Variants in SS18L1 observed in about 807,000 individuals in gnomAD.
The protein encoded by SS18L1 is SS18L1 subunit of BAF chromatin remodeling complex, also known as calcium-responsive transactivator.
In SS18L1, 32 loss-of-function variants were observed where a neutral mutation model predicts 70.3. That is an observed-to-expected ratio of 0.46 (90% CI 0.34 to 0.61). SS18L1 has a LOEUF of 0.61. Ranked by LOEUF, SS18L1 falls within the 20% of genes least tolerant of loss-of-function variation. SS18L1 has a pLI of 0.01. For missense variants in SS18L1, 430 were observed against 542.1 expected (o/e 0.79, Z 2.05); for synonymous variants, 237 against 229.7 (o/e 1.03, Z -0.29).
At chr20:62,178,488 G>A (rs1275017179) in intron 10 of SS18L1, among the ~76,000 whole-genome samples, 1 of 152,070 alleles carries the variant, frequency 6.6e-6, no homozygotes, top group Non-Finnish European at 1.5e-5. Context: ...TAGAGATGGG[G>A]TCTTGCTGTA....
rs561122376 is a variant in SS18L1 at position 62,157,718 on chromosome 20, C to T, written c.70-954C>T. On this transcript the variant is annotated intron_variant, in intron 1 of 10. Transcript: ENST00000331758. Reference sequence around the variant, plus strand: ...TGTGTAAGACACGGAAGGTTCAAGACGGGACCGGCCTTCCCTGTGTGGCCT... The same window carrying T: ...TGTGTAAGACACGGAAGGTTCAAGATGGGACCGGCCTTCCCTGTGTGGCCT... 4.6e-5 allele frequency among the ~76,000 whole-genome samples: 7 copies of T among 152,314 alleles called. No homozygotes were observed. In the East Asian group the frequency reaches 5.8e-4, roughly 13 times the overall value.
At chr20:62,170,729 C>T (rs1181992792) in intron 8 of SS18L1, among the ~76,000 whole-genome samples, 3 of 152,244 alleles carry the variant, frequency 2.0e-5, no homozygotes, top group African/African-American at 4.8e-5. Context: ...AGGGCGGCTG[C>T]TGCCAGTTCC....
intron 6 of SS18L1, 133 bp downstream of exon 6, chr20:62,163,755 T>G: frequency 1.6e-6 from 2 of 1,289,592 alleles, no homozygotes; most frequent in Admixed American, 5.6e-5. Context: ...GCTTGGCGCC[T>G]TGGTGTTAAC....
In SS18L1 at chr20:62,163,612, C is replaced by T. The variant is rs758584880; in HGVS notation, c.711C>T (p.Pro237=). The part of the protein sequence containing the change: ...MGQRPMAPYR[P]SQQGSSQQYL... The stretch of plus-strand genomic sequence containing the variant: ...AGCGGCCCATGGCGCCCTACCGGCC[C>T]TCCCAGCAAGGTAACGCCCGGCCGG... Residue 237 remains proline (P), a synonymous_variant, in exon 6 of 11, where the codon CCC becomes CCT. Transcript: ENST00000331758. The T allele has an allele frequency of 1.3e-6, 2 of 1,593,930 alleles. No individual in the cohort carries two copies. The highest frequency in any genetic ancestry group is 1.7e-5 in the Admixed American group (1 of 58,252).
chr20:62,168,811 C>T (rs1015417169), intron 8 of SS18L1, among the ~76,000 whole-genome samples: 2 of 152,176 alleles, frequency 1.3e-5, no homozygotes, highest in African/African-American at 4.8e-5. Flanking sequence ...AAGACCCTGT[C>T]TCAAAAATAA....
rs772406196 is a variant in SS18L1, at chr20:62,161,404, G to A, written c.232-32G>A. On this transcript the variant is annotated intron_variant, in intron 3 of 10. Coordinates refer to ENST00000331758, the MANE Select transcript of SS18L1 (RefSeq NM_198935.3). The surrounding 1 kb of genome is among the most constrained non-coding windows in gnomAD (Gnocchi z 4.4). ...GGAGGTCGCTCTCCGTAAATTAACCGTTTTTCCCTGAAAACTTCCTGTTGC... is the reference window on the plus strand; with the variant it reads ...GGAGGTCGCTCTCCGTAAATTAACCATTTTTCCCTGAAAACTTCCTGTTGC... The A allele has an allele frequency of 7.4e-6, 12 of 1,612,558 alleles. No individual in the cohort carries two copies. Among genetic ancestry groups the A allele is most frequent in the Admixed American group, 1.7e-5 (1 of 59,990 alleles).
At chr20:62,151,791 C>T (rs1046745990) in intron 1 of SS18L1, among the ~76,000 whole-genome samples, 11 of 151,898 alleles carry the variant, frequency 7.2e-5, no homozygotes, top group Non-Finnish European at 1.6e-4. Context: ...GACTCCTGTC[C>T]CCCAGCAGCC....
intron 1 of SS18L1, among the ~76,000 whole-genome samples, chr20:62,149,917 T>C (rs143442024): frequency 6.8e-4 from 104 of 152,290 alleles, no homozygotes; most frequent in African/African-American, 2.2e-3. Flanking sequence ...TAAGCACGTC[T>C]CCAGCTTGGA....
In SS18L1 at chr20:62,162,829, T is replaced by C; in HGVS notation, c.454T>C (p.Tyr152His). ...TTSMSISGPG[Y>H]SHAGPASQGV... ...CTCCATGAGCATCTCTGGGCCCGGC[T>C]ACAGCCACGCGGGACCCGCCTCGCA... The change falls in exon 5 of 11, where the codon TAC becomes CAC. Residue 152 changes from tyrosine to histidine, a missense_variant. Tyr to His is a moderately conservative substitution (Grantham distance 83). Transcript: ENST00000331758. 1 of 1,612,816 alleles carries C rather than the reference T, an allele frequency of 6.2e-7. No homozygotes were observed. The highest frequency in any genetic ancestry group is 8.5e-7 in the Non-Finnish European group (1 of 1,179,936).
chr20:62,162,341 G>A (rs2057344958), intron 4 of SS18L1, among the ~76,000 whole-genome samples: 2 of 152,030 alleles, frequency 1.3e-5, no homozygotes, highest in African/African-American at 4.8e-5. Flanking sequence ...GCTCTAGTCG[G>A]CCAGGCTGGA....
Position 62,163,671 on chromosome 20 carries a change from C to T in SS18L1, c.721+49C>T, listed in dbSNP as rs546892858. On this transcript the variant is annotated intron_variant, in intron 6 of 10. Transcript: ENST00000331758. ...GCGGGCACAGCTGACCGCCGCGGGTCGTGAAGTGCCAGGCTGTGTGTGCTT... is the reference window on the plus strand; with the variant it reads ...GCGGGCACAGCTGACCGCCGCGGGTTGTGAAGTGCCAGGCTGTGTGTGCTT... The T allele has an allele frequency of 1.0e-4, 148 of 1,485,808 alleles. 2 individuals carry two copies. In the South Asian group the frequency reaches 1.2e-3, roughly 12 times the overall value. The allele number at this position is 1,485,808 out of a possible 1,614,324, so 92.0% of individuals were successfully genotyped here.
In SS18L1 at chr20:62,161,500, T is replaced by G. The variant is rs1296662509; in HGVS notation, c.296T>G (p.Leu99Arg). 2.5e-6 allele frequency: 4 copies of G among 1,612,716 alleles called. No individual in the cohort carries two copies. Among genetic ancestry groups the G allele is most frequent in the African/African-American group, 1.3e-5 (1 of 74,924 alleles). The stretch of plus-strand genomic sequence containing the variant: ...ACTCAGAGCGGCTCCAGCCAGGGCC[T>G]GCACTCTCAGGGCAGCCTGAGTGAC... ...ALTQSGSSQG[L>R]HSQGSLSDAI... is the part of the protein sequence containing the mutation. Residue 99 changes from leucine to arginine, a missense_variant, in exon 4 of 11, where the codon CTG (leucine) becomes CGG (arginine). Transcript: ENST00000331758. The surrounding 1 kb of genome is among the most constrained non-coding windows in gnomAD (Gnocchi z 4.4).
At chr20:62,165,292 C>G (rs993068939) in intron 7 of SS18L1, 130 bp from the exon 8 acceptor site, 2 of 839,392 alleles carry the variant, frequency 2.4e-6, no homozygotes, top group Non-Finnish European at 3.7e-6. Flanking sequence ...TTTTGGGGAA[C>G]ACGGGTCCTG....
chr20:62,144,073 C>T (rs956538253), intron 1 of SS18L1, among the ~76,000 whole-genome samples, 184 bp downstream of exon 1: 6 of 149,424 alleles, frequency 4.0e-5, no homozygotes, highest in African/African-American at 1.5e-4. Flanking sequence ...CGGCGGGCAC[C>T]CGGCCGTGTG....
chr20:62,174,077 C>T lies in SS18L1; in HGVS notation c.1037-440C>T, dbSNP rs931132690. 1.3e-5 allele frequency among the ~76,000 whole-genome samples: 2 copies of T among 152,122 alleles called. No homozygotes were observed. Among genetic ancestry groups the T allele is most frequent in the African/African-American group, 4.8e-5 (2 of 41,418 alleles). On this transcript the variant is annotated intron_variant, in intron 9 of 10. Coordinates refer to ENST00000331758, the MANE Select transcript of SS18L1 (RefSeq NM_198935.3). The surrounding 1 kb of genome is among the most constrained non-coding windows in gnomAD (Gnocchi z 4.1). ...TTGCCGGAGCCTTTGACTTAGCCTTCCTAGAGACGATGTCTCTGTCTCACC... is the reference window on the plus strand; with the variant it reads ...TTGCCGGAGCCTTTGACTTAGCCTTTCTAGAGACGATGTCTCTGTCTCACC...
At chr20:62,171,675 C>T (rs2057534248) in intron 8 of SS18L1, among the ~76,000 whole-genome samples, 1 of 152,126 alleles carries the variant, frequency 6.6e-6, no homozygotes, top group Admixed American at 6.5e-5. Context: ...TTAAATTTTA[C>T]AGCTTCTAAA....
intron 1 of SS18L1, among the ~76,000 whole-genome samples, chr20:62,150,432 C>A (rs1402344711): frequency 2.0e-5 from 3 of 152,150 alleles, no homozygotes; most frequent in South Asian, 2.1e-4. Flanking sequence ...CTCCGGTTAG[C>A]CAGGCTGGTC....
chr20:62,150,375 C>T (rs574965211), intron 1 of SS18L1, among the ~76,000 whole-genome samples: 332 of 152,234 alleles, frequency 2.2e-3, no homozygotes, highest in African/African-American at 7.5e-3. Context: ...CAGGCGCTAG[C>T]GCAGGTGCCA....
chr20:62,152,812 A>G (rs1472710708), intron 1 of SS18L1, among the ~76,000 whole-genome samples: 6 of 152,174 alleles, frequency 3.9e-5, no homozygotes, highest in African/African-American at 1.4e-4. Context: ...TTTCATAAAC[A>G]CAGACACATA....
Sources: allele counts gnomAD v4.1 joint callset (sites outside exome capture counted in the v4.1 genomes callset), GRCh38; gene constraint gnomAD v4.1.1; non-coding constraint Gnocchi (gnomAD v3.1); transcripts MANE v1.5; gene names NCBI Gene and HGNC (gene_info 2026-07-23, HGNC 2026-07-21).